Variants in PPP5C observed in about 807,000 individuals in gnomAD.
PPP5C encodes the protein serine/threonine-protein phosphatase 5.
PPP5C carries 21 observed loss-of-function variants against 66.7 expected under a neutral mutation model. The observed-to-expected ratio is 0.31, with a 90% confidence interval of 0.22 to 0.45. PPP5C has a LOEUF of 0.45. PPP5C is among the 20% of genes least tolerant of loss of function. The pLI is 1.00. For missense variants in PPP5C, 464 were observed against 675.9 expected, an observed-to-expected ratio of 0.69 and a Z score of 3.48; for synonymous variants, 246 against 257.4, an observed-to-expected ratio of 0.96 and a Z score of 0.43.
chr19:46,368,267 A>C (rs1393137750), intron 2 of PPP5C, among the ~76,000 whole-genome samples: 1 of 152,198 alleles, frequency 6.6e-6, no homozygotes, highest in African/African-American at 2.4e-5. Context: ...CGTAAGCTTC[A>C]CCAGGTGGTG....
At position 46,375,761 on chromosome 19, in the gene PPP5C, G is replaced by T; in HGVS notation, c.511+10G>T. On this transcript the variant is annotated intron_variant, in intron 3 of 12. Coordinates refer to ENST00000012443, the MANE Select transcript of PPP5C (RefSeq NM_006247.4). ...GACATCGAGAGCATGAGTGAGTCAG[G>T]CCTGGATGCTCCACGCTCCAGCCCA... 1 of 1,584,694 alleles carries T rather than the reference G, an allele frequency of 6.3e-7. No individual in the cohort carries two copies. The highest frequency in any genetic ancestry group is 8.6e-7 in the Non-Finnish European group (1 of 1,165,292).
chr19:46,364,382 G>A (rs558834793), intron 2 of PPP5C, among the ~76,000 whole-genome samples: 6 of 152,262 alleles, frequency 3.9e-5, no homozygotes, highest in South Asian at 2.1e-4. Flanking sequence ...TTGGGAGACC[G>A]AGGCAGGAAG....
At chr19:46,364,170 A>G (rs1972452485) in intron 2 of PPP5C, among the ~76,000 whole-genome samples, 1 of 152,148 alleles carries the variant, frequency 6.6e-6, no homozygotes, top group Non-Finnish European at 1.5e-5. Flanking sequence ...AAGAGAGGAA[A>G]TCAGAGAGAA....
At chr19:46,387,561 G>C in intron 9 of PPP5C, 108 bp downstream of exon 9, 1 of 1,586,678 alleles carries the variant, frequency 6.3e-7, no homozygotes, top group South Asian at 1.1e-5. Flanking sequence ...CCCTTGGCAA[G>C]AAACAGCGGG....
intron 2 of PPP5C, among the ~76,000 whole-genome samples, chr19:46,361,425 G>T: frequency 6.9e-6 from 1 of 145,384 alleles, no homozygotes; most frequent in Admixed American, 6.8e-5. Flanking sequence ...CACTGCGCCT[G>T]GCTGAAAAAT....
At chr19:46,385,518 G>A (rs747607008) in intron 7 of PPP5C, among the ~76,000 whole-genome samples, 16 of 152,176 alleles carry the variant, frequency 1.1e-4, no homozygotes, top group Non-Finnish European at 2.2e-4. Context: ...AGTGGCTCAT[G>A]CCTGTAATCC....
intron 4 of PPP5C, chr19:46,381,559 C>A (rs1277745808): frequency 6.6e-6 from 1 of 152,088 alleles, no homozygotes; most frequent in Non-Finnish European, 1.5e-5. Context: ...CCAGCCTGGG[C>A]AACTTGTAGA....
chr19:46,380,280 AC>A (rs1250820120), intron 4 of PPP5C, among the ~76,000 whole-genome samples: 1 of 152,082 alleles, frequency 6.6e-6, no homozygotes, highest in East Asian at 1.9e-4. Flanking sequence ...AGGTCGTGCC[AC>A]TGCACTCCAG....
At chr19:46,362,085 C>A (rs899232556) in intron 2 of PPP5C, among the ~76,000 whole-genome samples, 2 of 152,134 alleles carry the variant, frequency 1.3e-5, no homozygotes, top group African/African-American at 4.8e-5. Flanking sequence ...AAACCACATC[C>A]TCTGTCTTGT....
chr19:46,384,736 A>ACCACC, intron 6 of PPP5C, 68 bp from the exon 7 acceptor site: 1 of 1,233,134 alleles, frequency 8.1e-7, no homozygotes, highest in East Asian at 2.4e-5. Flanking sequence ...ATCTTCTGCC[A>ACCACC]CCACCCCCAA....
chr19:46,358,719 C>T (rs1049001855), intron 2 of PPP5C, among the ~76,000 whole-genome samples: 1 of 152,054 alleles, frequency 6.6e-6, no homozygotes, highest in East Asian at 1.9e-4. Flanking sequence ...AAGGATAAAT[C>T]GGGGAGGAGT....
At chr19:46,372,501 C>T (rs952145440) in intron 2 of PPP5C, among the ~76,000 whole-genome samples, 1 of 152,308 alleles carries the variant, frequency 6.6e-6, no homozygotes, top group African/African-American at 2.4e-5. Flanking sequence ...GTGTGAGCCA[C>T]CACACCCGGC....
rs1429683820 is a variant in PPP5C, at chr19:46,375,672, G to A, written c.432G>A (p.Lys144=). ...ACCAGGAGTGCAACAAGATCGTGAAGCAGAAGGCCTTTGAGCGGGCCATCG... is the reference window on the plus strand; with the variant it reads ...ACCAGGAGTGCAACAAGATCGTGAAACAGAAGGCCTTTGAGCGGGCCATCG... The part of the protein sequence containing the change: ...MKYQECNKIV[K]QKAFERAIAG... The change falls in exon 3 of 13, where the codon AAG becomes AAA. Residue 144 remains lysine (K), a synonymous_variant. Coordinates refer to ENST00000012443, the MANE Select transcript of PPP5C (RefSeq NM_006247.4). 6 of 1,613,816 alleles carry A rather than the reference G, an allele frequency of 3.7e-6. No homozygotes were observed. The highest frequency in any genetic ancestry group is 1.7e-5 in the Admixed American group (1 of 59,960).
chr19:46,371,427 A>C (rs1352250282), intron 2 of PPP5C, among the ~76,000 whole-genome samples: 1 of 152,134 alleles, frequency 6.6e-6, no homozygotes, highest in Admixed American at 6.5e-5. Context: ...ATGCAGTAAT[A>C]TAACTCATTT....
At chr19:46,389,360 A>AC (rs1972954822) in intron 11 of PPP5C, among the ~76,000 whole-genome samples, 3 of 124,314 alleles carry the variant, frequency 2.4e-5, no homozygotes, top group Admixed American at 8.4e-5. Flanking sequence ...ACTCCATCTC[A>AC]AAACACACAC....
intron 2 of PPP5C, among the ~76,000 whole-genome samples, chr19:46,358,499 C>G (rs1972325608): frequency 6.6e-6 from 1 of 152,174 alleles, no homozygotes; most frequent in African/African-American, 2.4e-5. Context: ...CTGGAGATTT[C>G]TTAATTCATA....
At chr19:46,363,576 G>T (rs189624765) in intron 2 of PPP5C, among the ~76,000 whole-genome samples, 90 of 151,526 alleles carry the variant, frequency 5.9e-4, no homozygotes, top group African/African-American at 2.1e-3. Context: ...TTGCAGGCAC[G>T]CACCACCACA....
chr19:46,375,910 C>T (rs913341057), intron 3 of PPP5C, among the ~76,000 whole-genome samples, 159 bp downstream of exon 3: 14 of 152,202 alleles, frequency 9.2e-5, no homozygotes, highest in African/African-American at 2.9e-4. Flanking sequence ...GCTCCATCCA[C>T]AGCCCAAAGC....
chr19:46,361,304 T>C (rs1972384495), intron 2 of PPP5C, among the ~76,000 whole-genome samples: 1 of 151,106 alleles, frequency 6.6e-6, no homozygotes, highest in African/African-American at 2.4e-5. Context: ...GTATTTTTTG[T>C]ATTTTTATGA....
Sources: gnomAD v4.1 joint callset for allele counts (sites outside exome capture counted in the v4.1 genomes callset) on GRCh38, gnomAD v4.1.1 for gene constraint, MANE v1.5 for transcripts, NCBI Gene and HGNC (gene_info 2026-07-23, HGNC 2026-07-21) for gene names.